The following BMPR2 variants were observed in gnomAD, a reference collection of about 807,000 sequenced individuals.
BMPR2 encodes the protein bone morphogenetic protein receptor type-2.
A neutral mutation model predicts 100.8 loss-of-function variants in BMPR2; 29 were observed. The observed-to-expected ratio is 0.29, with a 90% CI of 0.21 to 0.39. The LOEUF (loss-of-function observed/expected upper bound fraction) is 0.39. BMPR2 is among the 10% of genes least tolerant of loss of function. The pLI is 1.00. For missense variants in BMPR2, 1,011 were observed against 1,274.5 expected (o/e 0.79, Z 3.15); for synonymous variants, 382 against 442.3 (o/e 0.86, Z 1.71).
chr2:202,556,386 C>A lies in BMPR2; in HGVS notation c.2721C>A (p.Ser907Arg). The A allele has an allele frequency of 6.2e-7, 1 of 1,614,186 alleles. No homozygotes were observed. The highest frequency in any genetic ancestry group is 8.5e-7 in the Non-Finnish European group (1 of 1,180,052). ...GAACTAATTCCAATAACAACAACAG[C>A]AATCCATGTTCAGAACAAGATGTTC... ...GGRTNSNNNN[S>R]NPCSEQDVLA... The change falls in exon 12 of 13, where the codon AGC becomes AGA. Residue 907 changes from serine (S) to arginine (R), a missense_variant. By Grantham distance (110) the Ser-to-Arg change is moderately radical. Coordinates refer to ENST00000374580, the MANE Select transcript of BMPR2 (RefSeq NM_001204.7).
At position 202,500,409 on chromosome 2, in the gene BMPR2, T is replaced by G. The variant is rs182820172; in HGVS notation, c.419-13310T>G. Among the ~76,000 whole-genome samples the G allele has an allele frequency of 2.9e-3, 441 of 152,304 alleles. 4 individuals carry two copies. The highest frequency in any genetic ancestry group is 4.4e-3 in the Non-Finnish European group (298 of 68,024). On this transcript the variant is annotated intron_variant, in intron 3 of 12. Coordinates refer to ENST00000374580, the MANE Select transcript of BMPR2 (RefSeq NM_001204.7). ...ATATTAGCCAAGGCTGGAGCTATTATCTACATGAATATGGGGAACAAGTTA... is the reference window on the plus strand; with the variant it reads ...ATATTAGCCAAGGCTGGAGCTATTAGCTACATGAATATGGGGAACAAGTTA...
At chr2:202,392,814 G>A (rs1690576557) in intron 1 of BMPR2, among the ~76,000 whole-genome samples, 1 of 151,846 alleles carries the variant, frequency 6.6e-6, no homozygotes, top group Non-Finnish European at 1.5e-5. Flanking sequence ...CCAACATGGA[G>A]AAACCCCGTC....
Position 202,565,309 on chromosome 2 carries a change from T to G in BMPR2, c.*5363T>G, listed in dbSNP as rs1412015230. The G allele has an allele frequency of 6.6e-6, 1 of 152,192 alleles. No homozygotes were observed. The highest frequency in any genetic ancestry group is 1.5e-5 in the Non-Finnish European group (1 of 68,028). The allele number at this position is 152,192 out of a possible 1,614,324, so 9.4% of individuals were successfully genotyped here. ...ATTCTTCAGACAAAATTGCTTAAGC[T>G]CTTCTCCTCAGTCCTATTTTAATGA... is the stretch of plus-strand genomic sequence containing the variant. On this transcript the variant is annotated 3_prime_UTR_variant, in exon 13 of 13. Transcript: ENST00000374580.
intron 1 of BMPR2, among the ~76,000 whole-genome samples, chr2:202,403,804 A>C (rs1690821846): frequency 6.6e-6 from 1 of 152,094 alleles, no homozygotes; most frequent in African/African-American, 2.4e-5. Context: ...TCGGGAGTTC[A>C]AGACCAGCCT....
At chr2:202,424,301 G>A (rs1691336159) in intron 1 of BMPR2, among the ~76,000 whole-genome samples, 2 of 152,084 alleles carry the variant, frequency 1.3e-5, no homozygotes, top group South Asian at 2.1e-4. Context: ...TTGAACCCAG[G>A]AGGTGGAGGT....
chr2:202,527,080 T>C lies in BMPR2; in HGVS notation c.968-3714T>C, dbSNP rs1012572133. On this transcript the variant is annotated intron_variant, in intron 7 of 12. Coordinates refer to ENST00000374580, the MANE Select transcript of BMPR2 (RefSeq NM_001204.7). ...GGTTTCACCATATTGGCCAGGGTGG[T>C]CTCAAACTCCTGACCTCAGGTGATC... Among the ~76,000 whole-genome samples the C allele has an allele frequency of 3.3e-5, 5 of 152,114 alleles. No individual in the cohort carries two copies. The South Asian group carries it at 1.0e-3, about 32-fold the overall frequency.
intron 1 of BMPR2, among the ~76,000 whole-genome samples, chr2:202,414,360 G>T (rs910522892): frequency 6.6e-6 from 1 of 152,114 alleles, no homozygotes; most frequent in Non-Finnish European, 1.5e-5. Context: ...AGGCCTCCCC[G>T]TTTCCTGAGA....
chr2:202,543,522 A>G (rs1489812944), intron 10 of BMPR2, among the ~76,000 whole-genome samples: 1 of 151,752 alleles, frequency 6.6e-6, no homozygotes, highest in East Asian at 1.9e-4. Flanking sequence ...ATAAAATCAT[A>G]TAATGATTCT....
chr2:202,459,594 G>A (rs897185450), intron 1 of BMPR2, among the ~76,000 whole-genome samples: 2 of 151,982 alleles, frequency 1.3e-5, no homozygotes, highest in Non-Finnish European at 2.9e-5. Context: ...GTGGTGTTTG[G>A]TTTTCTGTTC....
At chr2:202,407,685 A>AGT (rs1559028872) in intron 1 of BMPR2, among the ~76,000 whole-genome samples, 2 of 150,368 alleles carry the variant, frequency 1.3e-5, no homozygotes, top group Non-Finnish European at 3.0e-5. Flanking sequence ...AGGAGAATGG[A>AGT]GTGAACCCGG....
intron 1 of BMPR2, among the ~76,000 whole-genome samples, chr2:202,386,443 C>G (rs117535176): frequency 6.6e-6 from 1 of 152,098 alleles, no homozygotes; most frequent in East Asian, 1.9e-4. Flanking sequence ...ATATCTTTGT[C>G]TCTTCTCTTT....
At position 202,566,580 on chromosome 2, in the gene BMPR2, G is replaced by A. The variant is rs1574512591; in HGVS notation, c.*6634G>A. 6.6e-6 allele frequency: 1 copy of A among 152,308 alleles called. No homozygotes were observed. The highest frequency in any genetic ancestry group is 2.1e-4 in the South Asian group (1 of 4,828). The allele number at this position is 152,308 out of a possible 1,614,324, so 9.4% of individuals were successfully genotyped here. On this transcript the variant is annotated 3_prime_UTR_variant, in exon 13 of 13. Transcript: ENST00000374580. ...GTTCTTTGGTCAAATGACCATACAT[G>A]ATATGGGACAAATTGTTTCATTTTG...
Position 202,566,412 on chromosome 2 carries a change from T to G in BMPR2, c.*6466T>G, listed in dbSNP as rs996574168. The G allele has an allele frequency of 2.0e-5, 3 of 152,644 alleles. No individual in the cohort carries two copies. The highest frequency in any genetic ancestry group is 4.4e-5 in the Non-Finnish European group (3 of 68,006). 9.5% of individuals were successfully genotyped at this position (152,644 alleles called of 1,614,324 possible). On this transcript the variant is annotated 3_prime_UTR_variant, in exon 13 of 13. Coordinates refer to ENST00000374580, the MANE Select transcript of BMPR2 (RefSeq NM_001204.7). ...CTTATTTGACTTTTTCACATAGATA[T>G]AATATCAGATTTCATTAATTATAAA...
intron 1 of BMPR2, among the ~76,000 whole-genome samples, chr2:202,391,247 A>G (rs1690542682): frequency 6.6e-6 from 1 of 151,962 alleles, no homozygotes; most frequent in Non-Finnish European, 1.5e-5. Flanking sequence ...AAGTGCTGAG[A>G]TTACAGGTGT....
chr2:202,465,160 C>T (rs566711240), intron 2 of BMPR2, among the ~76,000 whole-genome samples, 181 bp downstream of exon 2: 2 of 151,922 alleles, frequency 1.3e-5, no homozygotes, highest in African/African-American at 2.4e-5. Flanking sequence ...CTGAGGTGGG[C>T]GGATCACTTG....
intron 2 of BMPR2, 139 bp from the exon 3 acceptor site, chr2:202,467,380 T>C: frequency 1.3e-6 from 1 of 754,000 alleles, no homozygotes; most frequent in South Asian, 1.7e-5. Context: ...CTTAAAAATA[T>C]GTTTCCTGTT....
chr2:202,389,803 G>A (rs896774437), intron 1 of BMPR2, among the ~76,000 whole-genome samples: 12 of 151,632 alleles, frequency 7.9e-5, no homozygotes, highest in Non-Finnish European at 7.4e-5. Context: ...CACCACGTCC[G>A]GCTAATTTTG....
At chr2:202,392,133 C>CA (rs1377149628) in intron 1 of BMPR2, among the ~76,000 whole-genome samples, 1 of 150,890 alleles carries the variant, frequency 6.6e-6, no homozygotes, top group Non-Finnish European at 1.5e-5. Context: ...TACAATGGCT[C>CA]AATCTTGGCT....
intron 3 of BMPR2, among the ~76,000 whole-genome samples, chr2:202,507,677 C>T (rs1196147250): frequency 6.6e-6 from 1 of 151,846 alleles, no homozygotes; most frequent in Non-Finnish European, 1.5e-5. Context: ...GCATGAACTA[C>T]TGTTGCCTGG....
Sources: gnomAD v4.1 joint callset for allele counts (sites outside exome capture counted in the v4.1 genomes callset) on GRCh38, gnomAD v4.1.1 for gene constraint, MANE v1.5 for transcripts, NCBI Gene and HGNC (gene_info 2026-07-23, HGNC 2026-07-21) for gene names.